Variants in CTNNBL1 observed in about 807,000 individuals in gnomAD.
CTNNBL1 encodes the protein catenin beta like 1.
A neutral mutation model predicts 72.7 loss-of-function variants in CTNNBL1; 31 were observed. That is an observed-to-expected ratio of 0.43 (90% CI 0.32 to 0.58). CTNNBL1 has a LOEUF of 0.58. Among genes scored for constraint, CTNNBL1 ranks in the 20% least tolerant of loss-of-function variants. CTNNBL1 has a pLI of 0.08. For missense variants in CTNNBL1, 534 were observed against 725.1 expected, an observed-to-expected ratio of 0.74 and a Z score of 3.03; for synonymous variants, 240 against 267.3, an observed-to-expected ratio of 0.90 and a Z score of 1.00.
At chr20:37,737,819 A>G (rs966714508) in intron 3 of CTNNBL1, among the ~76,000 whole-genome samples, 4 of 152,220 alleles carry the variant, frequency 2.6e-5, no homozygotes, top group Non-Finnish European at 4.4e-5. Context: ...AAATGCATCA[A>G]CATGTGTGCA....
intron 11 of CTNNBL1, among the ~76,000 whole-genome samples, chr20:37,813,009 C>T (rs1184762651): frequency 6.6e-6 from 1 of 151,194 alleles, no homozygotes; most frequent in Admixed American, 6.6e-5. Flanking sequence ...GAAAAAGCAG[C>T]ATGTATTAAA....
intron 7 of CTNNBL1, among the ~76,000 whole-genome samples, chr20:37,772,267 T>C (rs1440168664): frequency 6.6e-6 from 1 of 152,230 alleles, no homozygotes; most frequent in East Asian, 1.9e-4. Context: ...AGTGCCTTGT[T>C]AGGCAAATTC....
intron 10 of CTNNBL1, among the ~76,000 whole-genome samples, chr20:37,783,330 A>G (rs1422906279): frequency 1.3e-5 from 2 of 151,110 alleles, no homozygotes. Context: ...AATTTTGTTG[A>G]TCTTTTTTAT....
In CTNNBL1 at chr20:37,777,330, C is replaced by A; in HGVS notation, c.751-15C>A. The A allele has an allele frequency of 1.9e-6, 3 of 1,610,512 alleles. No individual in the cohort carries two copies. The highest frequency in any genetic ancestry group is 1.1e-5 in the South Asian group (1 of 90,962). On this transcript the variant is annotated splice_polypyrimidine_tract_variant and intron_variant, in intron 7 of 15. Transcript: ENST00000361383. ...ACCCCTTAACATTTTTCTCATTTCT[C>A]CTATTTCCCCATAGGCAAAGATGCC...
intron 1 of CTNNBL1, among the ~76,000 whole-genome samples, chr20:37,707,928 G>GGAGA (rs35821167): frequency 1.3e-4 from 20 of 150,636 alleles, no homozygotes; most frequent in East Asian, 1.2e-3. Context: ...GGAGACCTGA[G>GGAGA]GAGAGAGAGA....
At chr20:37,708,986 A>C (rs944563338) in intron 1 of CTNNBL1, among the ~76,000 whole-genome samples, 5 of 152,112 alleles carry the variant, frequency 3.3e-5, no homozygotes, top group Admixed American at 6.6e-5. Flanking sequence ...AAAATACAAA[A>C]ATTAGTTGGG....
chr20:37,712,854 G>A (rs139469251), intron 1 of CTNNBL1, among the ~76,000 whole-genome samples: 1 of 152,204 alleles, frequency 6.6e-6, no homozygotes, highest in East Asian at 1.9e-4. Context: ...ATTTCCTTCC[G>A]ACCAGAAGTG....
At chr20:37,772,630 A>C (rs139964791) in intron 7 of CTNNBL1, among the ~76,000 whole-genome samples, 1 of 152,148 alleles carries the variant, frequency 6.6e-6, no homozygotes, top group South Asian at 2.1e-4. Flanking sequence ...TTACAGGTGT[A>C]AGCCACTGCG....
intron 5 of CTNNBL1, among the ~76,000 whole-genome samples, chr20:37,758,967 T>C (rs2073390787): frequency 6.6e-6 from 1 of 152,166 alleles, no homozygotes; most frequent in African/African-American, 2.4e-5. Context: ...ACTAGAAATT[T>C]CCCATGTGCC....
chr20:37,835,862 A>T (rs949441214), intron 11 of CTNNBL1, among the ~76,000 whole-genome samples: 1 of 152,224 alleles, frequency 6.6e-6, no homozygotes. Flanking sequence ...ATGGAAATAT[A>T]TATTAGGGAA....
Position 37,737,488 on chromosome 20 carries a change from A to G in CTNNBL1, c.326+4A>G. The G allele has an allele frequency of 6.3e-7, 1 of 1,589,082 alleles. No individual in the cohort carries two copies. The highest frequency in any genetic ancestry group is 8.6e-7 in the Non-Finnish European group (1 of 1,158,890). On this transcript the variant is annotated splice_donor_region_variant and intron_variant, in intron 3 of 15. Transcript: ENST00000361383. ...AGTTTCCAGACAATCCAGAGAAGTA[A>G]GGTTCTGTTCCACTGATACCATGTC...
chr20:37,748,872 G>A (rs957734669), intron 4 of CTNNBL1, among the ~76,000 whole-genome samples: 3 of 152,160 alleles, frequency 2.0e-5, no homozygotes, highest in South Asian at 4.1e-4. Context: ...ATCTGTGGGG[G>A]GATATAAACA....
At chr20:37,742,650 A>G (rs192140633) in intron 3 of CTNNBL1, among the ~76,000 whole-genome samples, 3 of 152,170 alleles carry the variant, frequency 2.0e-5, no homozygotes, top group Middle Eastern at 3.4e-3. Flanking sequence ...TGCTGTGCTT[A>G]CTGTCTCTTT....
chr20:37,760,172 CT>C (rs2073403336), intron 5 of CTNNBL1, among the ~76,000 whole-genome samples: 1 of 152,178 alleles, frequency 6.6e-6, no homozygotes, highest in East Asian at 1.9e-4. Context: ...AAAATGGACT[CT>C]TTTCTGAAGA....
intron 1 of CTNNBL1, among the ~76,000 whole-genome samples, chr20:37,723,391 T>G (rs2122581647): frequency 6.6e-6 from 1 of 152,340 alleles, no homozygotes; most frequent in African/African-American, 2.4e-5. Context: ...AAAGACCATA[T>G]TCTCCAGTAA....
chr20:37,798,833 A>G (rs776144291), intron 10 of CTNNBL1, among the ~76,000 whole-genome samples: 1 of 152,196 alleles, frequency 6.6e-6, no homozygotes, highest in African/African-American at 2.4e-5. Flanking sequence ...TATGACCGCC[A>G]TTCATTTCAA....
chr20:37,821,182 T>C (rs947539891), intron 11 of CTNNBL1, among the ~76,000 whole-genome samples: 1 of 152,182 alleles, frequency 6.6e-6, no homozygotes, highest in African/African-American at 2.4e-5. Context: ...CTCATCCTAC[T>C]TCCTCCTTGA....
intron 1 of CTNNBL1, among the ~76,000 whole-genome samples, chr20:37,696,574 G>T (rs1193526866): frequency 6.7e-6 from 1 of 149,042 alleles, no homozygotes; most frequent in Non-Finnish European, 1.5e-5. Flanking sequence ...CTCCTGAGTA[G>T]CTGGGATTAC....
At chr20:37,815,146 TA>T (rs1410714040) in intron 11 of CTNNBL1, among the ~76,000 whole-genome samples, 1 of 151,582 alleles carries the variant, frequency 6.6e-6, no homozygotes, top group Non-Finnish European at 1.5e-5. Flanking sequence ...ATACTGTTTT[TA>T]CTCACTGCAT....
Sources: allele counts gnomAD v4.1 joint callset (sites outside exome capture counted in the v4.1 genomes callset), GRCh38; gene constraint gnomAD v4.1.1; transcripts MANE v1.5; gene names NCBI Gene and HGNC (gene_info 2026-07-23, HGNC 2026-07-21).